Variants in PRKD2 observed in about 807,000 individuals in gnomAD.
PRKD2 encodes protein kinase D2, also known as serine/threonine-protein kinase D2.
Under a neutral mutation model 86.0 loss-of-function variants are expected in PRKD2, and 22 were observed. That is an observed-to-expected ratio of 0.26 (90% CI 0.18 to 0.37). The LOEUF is 0.37. Among genes scored for constraint, PRKD2 ranks in the 10% least tolerant of loss-of-function variants. The pLI is 1.00. For synonymous variants in PRKD2, 509 were observed against 510.9 expected (o/e 1.00, Z 0.05); for missense variants, 818 against 1,199.2 (o/e 0.68, Z 4.70).
chr19:46,715,157 T>C (rs918188037), intron 1 of PRKD2, among the ~76,000 whole-genome samples: 2 of 151,894 alleles, frequency 1.3e-5, no homozygotes, highest in African/African-American at 4.9e-5. Flanking sequence ...AAATAAGCGG[T>C]AATCTAATAT....
rs528964832 is a variant in PRKD2 at position 46,693,183 on chromosome 19, T to G, written c.1576+692A>C. Among the ~76,000 whole-genome samples the G allele has an allele frequency of 5.9e-5, 9 of 152,314 alleles. No homozygotes were observed. The South Asian group carries it at 1.2e-3, about 21-fold the overall frequency. On this transcript the variant is annotated intron_variant, in intron 10 of 17. Transcript: ENST00000291281. This position sits in a 1 kb window ranked among gnomAD's most constrained non-coding sequence, Gnocchi z 4.5. ...GGGCTCCTCTAGCTCCCTAGCTTCCTTGTCCCAACCCTGCCCACCCTGGAC... is the reference window on the plus strand; with the variant it reads ...GGGCTCCTCTAGCTCCCTAGCTTCCGTGTCCCAACCCTGCCCACCCTGGAC...
intron 9 of PRKD2, among the ~76,000 whole-genome samples, chr19:46,695,280 T>C (rs2053540557): frequency 6.6e-6 from 1 of 151,806 alleles, no homozygotes. Flanking sequence ...AAGTCAGGAG[T>C]TCGAGACCCG....
intron 5 of PRKD2, among the ~76,000 whole-genome samples, chr19:46,703,925 T>TA (rs2053670461): frequency 2.1e-5 from 3 of 143,182 alleles, no homozygotes; most frequent in African/African-American, 5.3e-5. Context: ...GCCTGGGTGA[T>TA]AGAGTGACAC....
At chr19:46,686,856 TAGG>T (rs1243823284) in intron 14 of PRKD2, among the ~76,000 whole-genome samples, 2 of 150,574 alleles carry the variant, frequency 1.3e-5, no homozygotes, top group African/African-American at 4.9e-5. Context: ...GAGGCTGAGG[TAGG>T]AGAATGGTGT....
At chr19:46,708,506 G>A (rs1423300941) in intron 3 of PRKD2, among the ~76,000 whole-genome samples, 3 of 151,082 alleles carry the variant, frequency 2.0e-5, no homozygotes, top group African/African-American at 4.9e-5. Flanking sequence ...TTTTAGAGAC[G>A]GGGTTTCACC....
At chr19:46,704,694 C>T in intron 3 of PRKD2, 45 bp from the exon 4 acceptor site, 1 of 1,549,586 alleles carries the variant, frequency 6.5e-7, no homozygotes, top group Middle Eastern at 1.8e-4. Context: ...TCTGCCCCTC[C>T]TAGGTCTCTT....
chr19:46,710,691 T>TCCGCCCCTAGACCTGAGCC lies in PRKD2; in HGVS notation c.511+197_511+215dup, dbSNP rs2053792729. The TCCGCCCCTAGACCTGAGCC allele has an allele frequency of 9.6e-6, 5 of 522,310 alleles. No individual in the cohort carries two copies. The African/African-American group carries it at 9.7e-5, about 10-fold the overall frequency. 32.4% of individuals were successfully genotyped at this position (522,310 alleles called of 1,614,324 possible). A position where few individuals can be genotyped will look rare whatever the true frequency, so the allele number is the denominator to read the frequency against. On this transcript the variant is annotated intron_variant, in intron 3 of 17. Coordinates refer to ENST00000291281, the MANE Select transcript of PRKD2 (RefSeq NM_016457.5). ...TCCCTCCCAGCTCCACCTCCTAGGC[T>TCCGCCCCTAGACCTGAGCC]CCGCCCCTAGACCTGAGCCCCGGCC...
intron 5 of PRKD2, among the ~76,000 whole-genome samples, chr19:46,702,035 TTTG>T (rs1427416498): frequency 2.6e-4 from 34 of 132,102 alleles, no homozygotes; most frequent in African/African-American, 1.1e-3. Flanking sequence ...GATTCTGTTT[TTTG>T]TTTTTTTTTT....
At chr19:46,712,660 C>A (rs2053825567) in intron 2 of PRKD2, among the ~76,000 whole-genome samples, 1 of 152,194 alleles carries the variant, frequency 6.6e-6, no homozygotes, top group African/African-American at 2.4e-5. Context: ...GTACTTAAAG[C>A]CTGAACAAGG....
intron 14 of PRKD2, 131 bp downstream of exon 14, chr19:46,689,406 C>A: frequency 1.7e-6 from 2 of 1,149,460 alleles, no homozygotes; most frequent in Non-Finnish European, 2.4e-6. Flanking sequence ...CTGCGCCCAG[C>A]CTGATGATGG....
chr19:46,685,510 G>A (rs1006226339), intron 14 of PRKD2: 1 of 152,394 alleles, frequency 6.6e-6, no homozygotes, highest in Non-Finnish European at 1.5e-5. Flanking sequence ...CAAGAGCCCA[G>A]AAAGCAGAAA....
Position 46,697,143 on chromosome 19 carries a change from G to A in PRKD2, c.1317+14C>T. 6.4e-7 allele frequency: 1 copy of A among 1,551,810 alleles called. No homozygotes were observed. Among genetic ancestry groups the A allele is most frequent in the Non-Finnish European group, 8.9e-7 (1 of 1,123,444 alleles). On this transcript the variant is annotated intron_variant, in intron 9 of 17. Transcript: ENST00000291281. ...AGCGGGAAGTCCGAGGGAGCTGAAA[G>A]CCCGGAGGCTTACCTTATAGTATCT...
intron 9 of PRKD2, 140 bp from the exon 10 acceptor site, chr19:46,694,273 C>T: frequency 8.4e-7 from 1 of 1,185,802 alleles, no homozygotes; most frequent in Non-Finnish European, 1.2e-6. Flanking sequence ...CCCAGTAATT[C>T]TAAGCCTGTT....
intron 8 of PRKD2, 121 bp from the exon 9 acceptor site, chr19:46,697,355 C>T (rs1329261889): frequency 5.6e-6 from 4 of 716,242 alleles, no homozygotes; most frequent in Admixed American, 2.7e-5. Context: ...ACTCTAGCAC[C>T]TACCCCACGC....
chr19:46,676,437 A>T (rs945935493), intron 16 of PRKD2, among the ~76,000 whole-genome samples: 2 of 152,140 alleles, frequency 1.3e-5, no homozygotes, highest in African/African-American at 2.4e-5. Flanking sequence ...AAACAAAACA[A>T]AACAAAACAA....
At position 46,716,407 on chromosome 19, in the gene PRKD2, C is replaced by T; in HGVS notation, c.-37G>A. 1 of 1,154,004 alleles carries T rather than the reference C, an allele frequency of 8.7e-7. No individual in the cohort carries two copies. Among genetic ancestry groups the T allele is most frequent in the South Asian group, 1.9e-5 (1 of 51,314 alleles). The allele number at this position is 1,154,004 out of a possible 1,614,324, so 71.5% of individuals were successfully genotyped here. ...GGGGACCGGCCGCCTGGAGCCCACC[C>T]GGGACCCGGCCGGGGGGCCCCGGGG... On this transcript the variant is annotated 5_prime_UTR_variant, in exon 1 of 18. Transcript: ENST00000291281. This position sits in a 1 kb window ranked among gnomAD's most constrained non-coding sequence, Gnocchi z 7.9.
chr19:46,703,961 ACACACAC>A (rs987521546), intron 5 of PRKD2, among the ~76,000 whole-genome samples: 2 of 95,142 alleles, frequency 2.1e-5, no homozygotes, highest in African/African-American at 1.0e-4. Flanking sequence ...CAACAACAAC[ACACACAC>A]ACACACACAC....
rs553302740 is a variant in PRKD2 at position 46,711,013 on chromosome 19, C to G, written c.405G>C (p.Gln135His). ...GCACCGTGAGGGCGTGCGGGCGGATCTGGAAGTCCTCGAAGGTGGCCGAGG... is the reference window on the plus strand; with the variant it reads ...GCACCGTGAGGGCGTGCGGGCGGATGTGGAAGTCCTCGAAGGTGGCCGAGG... Reference protein sequence around the residue: ...LSASATFEDFQIRPHALTVHS... With the variant: ...LSASATFEDFHIRPHALTVHS... Residue 135 changes from glutamine (Q) to histidine (H), a missense_variant, in exon 3 of 18, where the codon CAG becomes CAC. By Grantham distance (24) the Gln-to-His change is conservative. Transcript: ENST00000291281. 4 of 1,581,942 alleles carry G rather than the reference C, an allele frequency of 2.5e-6. No individual in the cohort carries two copies. The highest frequency in any genetic ancestry group is 2.3e-5 in the South Asian group (2 of 86,428).
chr19:46,697,113 G>A, intron 9 of PRKD2, 44 bp downstream of exon 9: 1 of 1,466,016 alleles, frequency 6.8e-7, no homozygotes, highest in Non-Finnish European at 9.6e-7. Flanking sequence ...AAAGTTTGTG[G>A]GCACAGCGGG....
Sources: allele counts gnomAD v4.1 joint callset (sites outside exome capture counted in the v4.1 genomes callset), GRCh38; gene constraint gnomAD v4.1.1; non-coding constraint Gnocchi (gnomAD v3.1); transcripts MANE v1.5; gene names NCBI Gene and HGNC (gene_info 2026-07-23, HGNC 2026-07-21).